RADX: variants seen among roughly 807,000 people sequenced by gnomAD.
RADX encodes the protein RPA1 related single stranded DNA binding protein, X-linked, also known as RPA-related protein RADX.
Under a neutral mutation model 61.6 loss-of-function variants are expected in RADX, and 36 were observed. That is an observed-to-expected ratio of 0.58 (90% CI 0.45 to 0.77). The LOEUF is 0.77. RADX is among the 30% of genes least tolerant of loss of function. The pLI, the probability that RADX is intolerant of heterozygous loss-of-function variation, is 0.00. For missense variants in RADX, 497 were observed against 651.1 expected, an observed-to-expected ratio of 0.76 and a Z score of 2.58; for synonymous variants, 272 against 237.9, an observed-to-expected ratio of 1.14 and a Z score of -1.32.
chrX:106,676,859 T>A (rs1035387089), intron 13 of RADX, among the ~76,000 whole-genome samples: 3 of 111,670 alleles, frequency 2.7e-5, no homozygotes, highest in South Asian at 3.8e-4. Context: ...TCAGCCTTTT[T>A]CTGACCATAT....
At chrX:106,638,191 T>C in intron 8 of RADX, 1 of 243,578 alleles carries the variant, frequency 4.1e-6, no homozygotes, top group Admixed American at 6.4e-5. Context: ...ACACAGATGA[T>C]AACCAACTGG....
chrX:106,648,363 C>T lies in RADX; in HGVS notation c.1955C>T (p.Pro652Leu), dbSNP rs759731966. The T allele has an allele frequency of 3.4e-6, 4 of 1,190,746 alleles. No homozygotes were observed. Among genetic ancestry groups the T allele is most frequent in the East Asian group, 3.0e-5 (1 of 33,504 alleles). ...TCTGTACAAACAAAGGGAATTAAACCGGGCATGCCAAGCATCTTCAACCGT... is the reference window on the plus strand; with the variant it reads ...TCTGTACAAACAAAGGGAATTAAACTGGGCATGCCAAGCATCTTCAACCGT... Reference protein sequence around the residue: ...GASVQTKGIKPGMPSIFNRRA... With the variant: ...GASVQTKGIKLGMPSIFNRRA... Residue 652 changes from proline to leucine, a missense_variant, in exon 11 of 14, where the codon CCG becomes CTG. Transcript: ENST00000372548.
chrX:106,655,080 G>A (rs1250411213), intron 11 of RADX, among the ~76,000 whole-genome samples: 1 of 111,037 alleles, frequency 9.0e-6, no homozygotes, highest in Non-Finnish European at 1.9e-5. Flanking sequence ...TTGCAGTAGA[G>A]CAAATCACAC....
intron 3 of RADX, among the ~76,000 whole-genome samples, chrX:106,626,479 A>G (rs1263239244): frequency 2.7e-5 from 3 of 111,556 alleles, no homozygotes; most frequent in African/African-American, 6.5e-5. Flanking sequence ...AAAGGTGAGG[A>G]ACTAAACTGA....
intron 3 of RADX, among the ~76,000 whole-genome samples, chrX:106,628,018 T>C (rs1050399128): frequency 9.9e-5 from 11 of 110,986 alleles, no homozygotes; most frequent in Non-Finnish European, 1.5e-4. Flanking sequence ...GTTTTTTTAG[T>C]AGAGACGAGG....
intron 3 of RADX, among the ~76,000 whole-genome samples, chrX:106,632,337 A>G (rs1927255606): frequency 8.9e-6 from 1 of 111,782 alleles, no homozygotes; most frequent in Non-Finnish European, 1.9e-5. Flanking sequence ...ATGAAGTTCA[A>G]AAACAAAGCC....
chrX:106,643,632 T>A, intron 10 of RADX, among the ~76,000 whole-genome samples: 1 of 111,684 alleles, frequency 9.0e-6, no homozygotes, highest in Non-Finnish European at 1.9e-5. Flanking sequence ...TAAAAATGAG[T>A]TCACTTTAGG....
At chrX:106,650,642 C>T (rs998058995) in intron 11 of RADX, among the ~76,000 whole-genome samples, 1 of 111,222 alleles carries the variant, frequency 9.0e-6, no homozygotes, top group Non-Finnish European at 1.9e-5. Flanking sequence ...ATCTCAAACT[C>T]CTGGCCTCAC....
chrX:106,642,501 T>C (rs1206335783), intron 10 of RADX, among the ~76,000 whole-genome samples: 1 of 111,554 alleles, frequency 9.0e-6, no homozygotes, highest in African/African-American at 3.3e-5. Context: ...GGTGAGAACA[T>C]GGAATGTTTA....
intron 10 of RADX, among the ~76,000 whole-genome samples, chrX:106,644,518 A>C (rs1345113651): frequency 9.0e-6 from 1 of 111,524 alleles, no homozygotes; most frequent in African/African-American, 3.2e-5. Context: ...TTCAACATCA[A>C]TTGAAATGAT....
intron 11 of RADX, 38 bp downstream of exon 11, chrX:106,648,424 T>C (rs1393507258): frequency 2.2e-6 from 2 of 892,427 alleles, no homozygotes; most frequent in Non-Finnish European, 3.3e-6. Context: ...ATGAAAACTT[T>C]ATGAAACATT....
chrX:106,613,936 TA>T (rs1926739325), intron 1 of RADX, among the ~76,000 whole-genome samples: 1 of 112,036 alleles, frequency 8.9e-6, no homozygotes, highest in Non-Finnish European at 1.9e-5. Flanking sequence ...TAATACTTTG[TA>T]AAATGTATTT....
intron 10 of RADX, among the ~76,000 whole-genome samples, chrX:106,644,527 A>T (rs1381237438): frequency 9.0e-6 from 1 of 111,330 alleles, no homozygotes; most frequent in African/African-American, 3.3e-5. Flanking sequence ...AATTGAAATG[A>T]TTGTATGGTT....
At chrX:106,669,060 C>A (rs1603062643) in intron 12 of RADX, 103 bp from the exon 13 acceptor site, 2 of 624,897 alleles carry the variant, frequency 3.2e-6, no homozygotes, top group East Asian at 6.7e-5. Flanking sequence ...TTTTTCAGAT[C>A]TAAAGCTATC....
intron 13 of RADX, among the ~76,000 whole-genome samples, chrX:106,673,687 C>T (rs753402584): frequency 5.7e-5 from 6 of 104,771 alleles, no homozygotes; most frequent in Non-Finnish European, 7.7e-5. Context: ...CATCCCCCCC[C>T]ACACACACAC....
At chrX:106,676,601 A>G in intron 13 of RADX, among the ~76,000 whole-genome samples, 1 of 112,445 alleles carries the variant, frequency 8.9e-6, no homozygotes, top group Non-Finnish European at 1.9e-5. Context: ...AAGTATTTTT[A>G]TGCGTAGCCA....
intron 6 of RADX, among the ~76,000 whole-genome samples, chrX:106,634,993 A>G (rs776800477): frequency 2.7e-5 from 3 of 112,263 alleles, no homozygotes; most frequent in East Asian, 2.8e-4. Flanking sequence ...ATAGTTGACA[A>G]CAGTCACAAT....
chrX:106,632,980 C>T lies in RADX; in HGVS notation c.1137C>T (p.Gly379=), dbSNP rs963114465. ...MPENCICDVI[G]LLVFVGRVQR... is the part of the protein sequence containing the mutation. Reference sequence around the variant, plus strand: ...AAAATTGCATCTGTGATGTTATTGGCCTTTTAGTTTTTGTAGGAAGGGTCC... The same window carrying T: ...AAAATTGCATCTGTGATGTTATTGGTCTTTTAGTTTTTGTAGGAAGGGTCC... The change falls in exon 5 of 14, where the codon GGC becomes GGT. Residue 379 remains glycine (G), a synonymous_variant. Coordinates refer to ENST00000372548, the MANE Select transcript of RADX (RefSeq NM_018015.6). 8.3e-7 allele frequency: 1 copy of T among 1,209,426 alleles called. No homozygotes were observed.
intron 11 of RADX, among the ~76,000 whole-genome samples, chrX:106,661,502 C>T (rs1453450704): frequency 9.2e-6 from 1 of 108,971 alleles, no homozygotes; most frequent in African/African-American, 3.3e-5. Context: ...GCTGAGATTA[C>T]AGGCATGAGC....
Sources: gnomAD v4.1 joint callset for allele counts (sites outside exome capture counted in the v4.1 genomes callset) on GRCh38, gnomAD v4.1.1 for gene constraint, MANE v1.5 for transcripts, NCBI Gene and HGNC (gene_info 2026-07-23, HGNC 2026-07-21) for gene names.